THSD7B: variants seen among roughly 807,000 people sequenced by gnomAD.
THSD7B encodes thrombospondin type 1 domain containing 7B.
Under a neutral mutation model 213.6 loss-of-function variants are expected in THSD7B, and 138 were observed. The observed-to-expected ratio is 0.65, with a 90% CI of 0.56 to 0.74. THSD7B has a LOEUF of 0.74. Among genes scored for constraint, THSD7B ranks in the 30% least tolerant of loss-of-function variants. The pLI is 0.00. For missense variants in THSD7B, 1,931 were observed against 1,991.5 expected, an observed-to-expected ratio of 0.97 and a Z score of 0.58; for synonymous variants, 742 against 687.0, an observed-to-expected ratio of 1.08 and a Z score of -1.25.
intron 2 of THSD7B, among the ~76,000 whole-genome samples, chr2:136,949,851 A>G (rs959755026): frequency 2.6e-5 from 4 of 152,196 alleles, no homozygotes; most frequent in Admixed American, 1.3e-4. Flanking sequence ...TACCTAAAGG[A>G]ATATAAATCA....
chr2:137,475,211 T>A (rs1688169085), intron 15 of THSD7B, among the ~76,000 whole-genome samples: 1 of 152,186 alleles, frequency 6.6e-6, no homozygotes, highest in African/African-American at 2.4e-5. Flanking sequence ...AATTGATATA[T>A]AATGTTTGTA....
chr2:136,993,821 CAT>C (rs77004886), intron 2 of THSD7B, among the ~76,000 whole-genome samples: 7,873 of 152,114 alleles, frequency 0.052, 275 homozygotes, highest in East Asian at 0.12. Flanking sequence ...AAGGTGGGGT[CAT>C]GTGTGTCTGT....
chr2:137,630,766 C>T lies in THSD7B; in HGVS notation c.3799+10040C>T, dbSNP rs561372067. ...TTTTGTAGGAGCCGCTTTCTCTTTT[C>T]GAACGGGTTGTAGCAATAGGCAGAG... On this transcript the variant is annotated intron_variant, in intron 20 of 27. Transcript: ENST00000409968. 1.6e-4 allele frequency among the ~76,000 whole-genome samples: 24 copies of T among 152,214 alleles called. No homozygotes were observed. The South Asian group carries it at 3.7e-3, about 24-fold the overall frequency.
At chr2:137,173,525 T>C (rs1680304519) in intron 7 of THSD7B, among the ~76,000 whole-genome samples, 1 of 152,202 alleles carries the variant, frequency 6.6e-6, no homozygotes, top group Non-Finnish European at 1.5e-5. Context: ...TCCTGTGAAA[T>C]GACTAATTTT....
chr2:137,233,889 G>A (rs1025414804), intron 9 of THSD7B, among the ~76,000 whole-genome samples: 87 of 152,256 alleles, frequency 5.7e-4, no homozygotes, highest in Non-Finnish European at 9.4e-4. Flanking sequence ...ACTTGTGACT[G>A]TTCTATCTGG....
intron 15 of THSD7B, among the ~76,000 whole-genome samples, chr2:137,516,529 G>T (rs182921124): frequency 1.1e-3 from 166 of 152,268 alleles, no homozygotes; most frequent in Admixed American, 7.1e-3. Context: ...CTGGACATTG[G>T]CTCTGAGCTG....
chr2:137,112,175 G>T (rs1688360217), intron 4 of THSD7B, among the ~76,000 whole-genome samples: 1 of 152,076 alleles, frequency 6.6e-6, no homozygotes, highest in Non-Finnish European at 1.5e-5. Flanking sequence ...AGCTCAGGAT[G>T]TTCAGTTTTC....
chr2:137,314,688 G>A (rs1341256392), intron 12 of THSD7B, among the ~76,000 whole-genome samples: 2 of 152,162 alleles, frequency 1.3e-5, no homozygotes, highest in East Asian at 1.9e-4. Flanking sequence ...AGTTTTTGGT[G>A]TGGATGTCCT....
rs773677139 is a variant in THSD7B at position 136,954,740 on chromosome 2, T to TAAAAAAAAAAAAAAAAAAAAAAAAG, written c.139+72424_139+72425insAAAAAAAAAAAAAAAAAAAAAAAGA. 2.9e-5 allele frequency among the ~76,000 whole-genome samples: 4 copies of TAAAAAAAAAAAAAAAAAAAAAAAAG among 137,446 alleles called. 1 individual carries two copies. The highest frequency in any genetic ancestry group is 1.2e-4 in the African/African-American group (4 of 32,262). 90.2% of individuals were successfully genotyped at this position (137,446 alleles called of 152,430 possible). A position where few individuals can be genotyped will look rare whatever the true frequency, so the allele number is the denominator to read the frequency against. ...AAAAAAAAAAAAAAAAAAAAGAAAT[T>TAAAAAAAAAAAAAAAAAAAAAAAAG]ACATAAGAGCTTTTATACTGTTTAT... On this transcript the variant is annotated intron_variant, in intron 2 of 27. Transcript: ENST00000409968.
At chr2:137,546,574 C>A (rs1184946540) in intron 15 of THSD7B, among the ~76,000 whole-genome samples, 2 of 132,468 alleles carry the variant, frequency 1.5e-5, no homozygotes, top group African/African-American at 2.8e-5. Context: ...CTCTTTCTTT[C>A]TTTTCCTTTT....
At chr2:136,825,744 G>GTTTTTTTTT in intron 1 of THSD7B, among the ~76,000 whole-genome samples, 1 of 72,420 alleles carries the variant, frequency 1.4e-5, no homozygotes, top group Non-Finnish European at 2.6e-5. Flanking sequence ...TAGATCTGGG[G>GTTTTTTTTT]TTTCACCATG....
At chr2:137,456,351 A>G (rs988399208) in intron 15 of THSD7B, among the ~76,000 whole-genome samples, 2 of 152,244 alleles carry the variant, frequency 1.3e-5, no homozygotes, top group African/African-American at 2.4e-5. Context: ...TCATTCTGAT[A>G]CTGCTTTATT....
At chr2:137,069,239 G>A (rs1558907136) in intron 3 of THSD7B, among the ~76,000 whole-genome samples, 1 of 151,964 alleles carries the variant, frequency 6.6e-6, no homozygotes, top group Non-Finnish European at 1.5e-5. Flanking sequence ...TATCAATGAT[G>A]CTATTATTGA....
chr2:137,373,916 T>C (rs1573991274), intron 12 of THSD7B, among the ~76,000 whole-genome samples: 1 of 152,356 alleles, frequency 6.6e-6, no homozygotes, highest in Non-Finnish European at 1.5e-5. Flanking sequence ...TTTCCACATA[T>C]GGCTAGCCAG....
At chr2:136,940,700 CGT>C (rs1033069592) in intron 2 of THSD7B, among the ~76,000 whole-genome samples, 15 of 134,710 alleles carry the variant, frequency 1.1e-4, no homozygotes, top group Non-Finnish European at 2.4e-4. Flanking sequence ...CTGAGACATA[CGT>C]GTGTGTGTGT....
intron 10 of THSD7B, among the ~76,000 whole-genome samples, chr2:137,267,664 A>C (rs905338401): frequency 7.9e-5 from 12 of 152,048 alleles, no homozygotes; most frequent in African/African-American, 2.9e-4. Context: ...CCATTTTCTT[A>C]TCTGTAAAAT....
intron 1 of THSD7B, among the ~76,000 whole-genome samples, chr2:136,855,021 G>A (rs1683155699): frequency 6.6e-6 from 1 of 152,180 alleles, no homozygotes; most frequent in Non-Finnish European, 1.5e-5. Context: ...GCTGTGATAT[G>A]TAAGCATTGT....
At chr2:136,802,963 C>T (rs907906059) in intron 1 of THSD7B, among the ~76,000 whole-genome samples, 12 of 151,752 alleles carry the variant, frequency 7.9e-5, no homozygotes, top group African/African-American at 2.4e-4. Context: ...ACAGAGTCAA[C>T]ATTATTATTT....
intron 1 of THSD7B, among the ~76,000 whole-genome samples, chr2:136,808,906 T>C (rs1321942995): frequency 6.6e-6 from 1 of 152,160 alleles, no homozygotes; most frequent in African/African-American, 2.4e-5. Flanking sequence ...CTTTTTAAGG[T>C]CTATAAAAAC....
Sources: allele counts gnomAD v4.1 joint callset (sites outside exome capture counted in the v4.1 genomes callset), GRCh38; gene constraint gnomAD v4.1.1; transcripts MANE v1.5; gene names NCBI Gene and HGNC (gene_info 2026-07-23, HGNC 2026-07-21).